C8orf34: variants seen among roughly 807,000 people sequenced by gnomAD.
C8orf34 encodes the protein chromosome 8 open reading frame 34, also known as uncharacterized protein C8orf34.
C8orf34 carries 65 observed loss-of-function variants against 68.3 expected under a neutral mutation model. The observed-to-expected ratio is 0.95, with a 90% CI of 0.78 to 1.17. The LOEUF (loss-of-function observed/expected upper bound fraction) is 1.17, where lower values mean the gene tolerates loss of function less well. Among genes scored for constraint, C8orf34 ranks in the 50% most tolerant of loss-of-function variants. The pLI is 0.00. For missense variants in C8orf34, 664 were observed against 655.4 expected (o/e 1.01, Z -0.14); for synonymous variants, 244 against 241.2 (o/e 1.01, Z -0.11).
At chr8:68,368,915 A>G (rs1807434105) in intron 1 of C8orf34, among the ~76,000 whole-genome samples, 2 of 152,162 alleles carry the variant, frequency 1.3e-5, no homozygotes, top group African/African-American at 4.8e-5. Context: ...TTCAAACTCA[A>G]TTCTTTCTTT....
At chr8:68,439,237 T>C (rs1361822040) in intron 1 of C8orf34, 6 of 273,384 alleles carry the variant, frequency 2.2e-5, no homozygotes, top group Non-Finnish European at 4.1e-5. Context: ...TGGCTAAGTA[T>C]AATACAAAAT....
chr8:68,687,883 C>A (rs1820567968), intron 8 of C8orf34, among the ~76,000 whole-genome samples: 1 of 151,954 alleles, frequency 6.6e-6, no homozygotes, highest in South Asian at 2.1e-4. Context: ...GACTAGTATC[C>A]AGAATCTACA....
chr8:68,602,234 TC>T (rs1817719153), intron 7 of C8orf34, among the ~76,000 whole-genome samples: 1 of 151,896 alleles, frequency 6.6e-6, no homozygotes, highest in East Asian at 1.9e-4. Flanking sequence ...ATCATTGATA[TC>T]GATGGGGGTG....
chr8:68,746,010 A>G (rs1372973973), intron 10 of C8orf34, among the ~76,000 whole-genome samples: 5 of 152,144 alleles, frequency 3.3e-5, no homozygotes, highest in South Asian at 2.1e-4. Context: ...GCAAATGTAA[A>G]AGAACAGAAA....
At chr8:68,799,352 A>G (rs1036869118) in intron 12 of C8orf34, among the ~76,000 whole-genome samples, 1 of 152,204 alleles carries the variant, frequency 6.6e-6, no homozygotes, top group African/African-American at 2.4e-5. Context: ...CAGATGGAGC[A>G]TATCTTTCAC....
At chr8:68,717,342 C>T (rs768607616) in intron 9 of C8orf34, among the ~76,000 whole-genome samples, 2 of 151,964 alleles carry the variant, frequency 1.3e-5, no homozygotes, top group African/African-American at 2.4e-5. Context: ...AGGCGGGGCC[C>T]GGGTTCGACC....
At chr8:68,516,829 A>T (rs1012163725) in intron 5 of C8orf34, among the ~76,000 whole-genome samples, 3 of 151,570 alleles carry the variant, frequency 2.0e-5, no homozygotes, top group East Asian at 3.9e-4. Flanking sequence ...TTTAGTAGAG[A>T]TGGGGTTTCA....
At chr8:68,553,317 G>A (rs150343268) in intron 7 of C8orf34, among the ~76,000 whole-genome samples, 38 of 149,582 alleles carry the variant, frequency 2.5e-4, no homozygotes, top group Admixed American at 1.8e-3. Context: ...CCCGGGAGGC[G>A]GAGCTTGCAA....
chr8:68,649,447 A>G (rs891624131), intron 8 of C8orf34, among the ~76,000 whole-genome samples: 1 of 152,188 alleles, frequency 6.6e-6, no homozygotes, highest in African/African-American at 2.4e-5. Context: ...ACATATTAGA[A>G]TGGCTACGTC....
At chr8:68,535,899 G>A in intron 7 of C8orf34, 1 of 975,370 alleles carries the variant, frequency 1.0e-6, no homozygotes, top group Non-Finnish European at 1.2e-6. Flanking sequence ...ACTGAGTAAA[G>A]TATCTGCCAA....
intron 7 of C8orf34, among the ~76,000 whole-genome samples, chr8:68,588,718 A>T (rs916633730): frequency 1.3e-5 from 2 of 152,212 alleles, no homozygotes; most frequent in African/African-American, 4.8e-5. Flanking sequence ...GTTTCATTTT[A>T]CATGGCACTC....
At chr8:68,744,054 C>T (rs1236170543) in intron 10 of C8orf34, among the ~76,000 whole-genome samples, 1 of 152,180 alleles carries the variant, frequency 6.6e-6, no homozygotes, top group African/African-American at 2.4e-5. Flanking sequence ...GGCAGACTGC[C>T]TCCTCAAGTG....
chr8:68,376,236 G>T (rs571779229), intron 1 of C8orf34, among the ~76,000 whole-genome samples: 11 of 122,538 alleles, frequency 9.0e-5, no homozygotes, highest in Non-Finnish European at 1.7e-4. Flanking sequence ...AATGTTGATT[G>T]TATTGAGAAG....
At chr8:68,510,637 GA>G (rs61391194) in intron 5 of C8orf34, among the ~76,000 whole-genome samples, 33,974 of 151,784 alleles carry the variant, frequency 0.22, 5,896 homozygotes, top group African/African-American at 0.49. Context: ...TTTATGTTGA[GA>G]AAAAAAATCA....
chr8:68,466,570 A>T (rs1299607826), intron 3 of C8orf34, among the ~76,000 whole-genome samples: 2 of 151,674 alleles, frequency 1.3e-5, no homozygotes, highest in Non-Finnish European at 2.9e-5. Flanking sequence ...ATATACTTAG[A>T]TTTAACTTGC....
chr8:68,331,819 G>A (rs1255201033), intron 1 of C8orf34, among the ~76,000 whole-genome samples: 2 of 23,104 alleles, frequency 8.7e-5, no homozygotes, highest in African/African-American at 3.2e-4. Flanking sequence ...TTTTAATGAG[G>A]GCGGTAATAG....
At position 68,679,202 on chromosome 8, in the gene C8orf34, G is replaced by A. The variant is rs1328609817; in HGVS notation, c.1242-29792G>A. Reference sequence around the variant, plus strand: ...CTGAGGGGGCTGAGGCAGGAGAATCGCTTGTATCTGGGAGGCAGAGGTTGC... The same window carrying A: ...CTGAGGGGGCTGAGGCAGGAGAATCACTTGTATCTGGGAGGCAGAGGTTGC... On this transcript the variant is annotated intron_variant, in intron 8 of 13. Transcript: ENST00000518698. Among the ~76,000 whole-genome samples, 18 of 152,090 alleles carry A rather than the reference G, an allele frequency of 1.2e-4. 1 individual carries two copies. Among genetic ancestry groups the A allele is most frequent in the South Asian group, 6.2e-4 (3 of 4,820 alleles).
intron 5 of C8orf34, among the ~76,000 whole-genome samples, chr8:68,507,049 G>A (rs73266551): frequency 0.027 from 4,141 of 152,202 alleles, 190 homozygotes; most frequent in African/African-American, 0.093. Flanking sequence ...ACTGTTATGG[G>A]AGAATTGACA....
At chr8:68,535,564 T>C in intron 7 of C8orf34, 1 of 856,698 alleles carries the variant, frequency 1.2e-6, no homozygotes, top group African/African-American at 1.8e-5. Context: ...AACTATTGAC[T>C]CTTGTTTTGT....
Sources: gnomAD v4.1 joint callset for allele counts (sites outside exome capture counted in the v4.1 genomes callset) on GRCh38, gnomAD v4.1.1 for gene constraint, MANE v1.5 for transcripts, NCBI Gene and HGNC (gene_info 2026-07-23, HGNC 2026-07-21) for gene names.